The following GOLM2 variants were observed in gnomAD, a reference collection of about 807,000 sequenced individuals.
GOLM2 encodes golgi membrane protein 2.
GOLM2 carries 26 observed loss-of-function variants against 55.9 expected under a neutral mutation model. That is an observed-to-expected ratio of 0.47 (90% confidence interval 0.34 to 0.65). The LOEUF (loss-of-function observed/expected upper bound fraction) is 0.65. GOLM2 is among the 30% of genes least tolerant of loss of function. The pLI, the probability that GOLM2 is intolerant of heterozygous loss-of-function variation, is 0.01. For missense variants in GOLM2, 486 were observed against 531.8 expected, an observed-to-expected ratio of 0.91 and a Z score of 0.85; for synonymous variants, 165 against 194.6, an observed-to-expected ratio of 0.85 and a Z score of 1.27.
At chr15:44,318,726 A>T (rs2141127445) in intron 1 of GOLM2, among the ~76,000 whole-genome samples, 1 of 151,840 alleles carries the variant, frequency 6.6e-6, no homozygotes, top group Middle Eastern at 3.4e-3. Flanking sequence ...AAAAAAAAAA[A>T]TTGGAAGTTG....
chr15:44,315,768 G>T (rs915204094), intron 1 of GOLM2, among the ~76,000 whole-genome samples: 2 of 152,112 alleles, frequency 1.3e-5, no homozygotes, highest in African/African-American at 4.8e-5. Flanking sequence ...ATTATAGATG[G>T]ACTCAAAATC....
chr15:44,342,821 T>TG (rs1190676240), intron 6 of GOLM2, among the ~76,000 whole-genome samples: 1 of 152,224 alleles, frequency 6.6e-6, no homozygotes, highest in Non-Finnish European at 1.5e-5. Flanking sequence ...TGTGTATGGT[T>TG]GAATTATCAG....
chr15:44,330,545 G>A (rs1452897176), intron 3 of GOLM2, among the ~76,000 whole-genome samples: 1 of 147,792 alleles, frequency 6.8e-6, no homozygotes, highest in Non-Finnish European at 1.5e-5. Context: ...GACTATCACA[G>A]CTATAAAAAT....
chr15:44,414,672 T>G lies in GOLM2; in HGVS notation c.*1266T>G, dbSNP rs1474799565. The G allele has an allele frequency of 6.6e-6, 1 of 152,260 alleles. No individual in the cohort carries two copies. The highest frequency in any genetic ancestry group is 1.5e-5 in the Non-Finnish European group (1 of 68,034). The allele number at this position is 152,260 out of a possible 1,614,324, so 9.4% of individuals were successfully genotyped here. ...TTTCAGAAGTACTAAATAAGGAATT[T>G]TAACAGGTTTTTATTAATGCACAGA... On this transcript the variant is annotated 3_prime_UTR_variant, in exon 10 of 10. Coordinates refer to ENST00000299957, the MANE Select transcript of GOLM2 (RefSeq NM_138423.4).
intron 1 of GOLM2, among the ~76,000 whole-genome samples, chr15:44,313,703 A>C (rs1472324277): frequency 1.3e-5 from 2 of 152,208 alleles, no homozygotes; most frequent in East Asian, 3.8e-4. Flanking sequence ...CTAAATAAGT[A>C]AACTTTATAG....
At position 44,289,771 on chromosome 15, in the gene GOLM2, C is replaced by T. The variant is rs1595607947; in HGVS notation, c.327+415C>T. ...AATATTAATTTCGTTATTTAAAGAACGAAGCCGCCTCTGACTCCTCTACTT... is the reference window on the plus strand; with the variant it reads ...AATATTAATTTCGTTATTTAAAGAATGAAGCCGCCTCTGACTCCTCTACTT... On this transcript the variant is annotated intron_variant, in intron 1 of 9. Coordinates refer to ENST00000299957, the MANE Select transcript of GOLM2 (RefSeq NM_138423.4). This position sits in a 1 kb window ranked among gnomAD's most constrained non-coding sequence, Gnocchi z 4.8. 6.6e-6 allele frequency among the ~76,000 whole-genome samples: 1 copy of T among 152,154 alleles called. No individual in the cohort carries two copies. Among genetic ancestry groups the T allele is most frequent in the Admixed American group, 6.5e-5 (1 of 15,274 alleles).
At chr15:44,307,276 G>A (rs554010271) in intron 1 of GOLM2, 9 of 150,148 alleles carry the variant, frequency 6.0e-5, no homozygotes, top group African/African-American at 1.5e-4. Flanking sequence ...GCAGTGGTAC[G>A]ATCTCCGCTC....
In GOLM2 at chr15:44,311,426, C is replaced by T. The variant is rs1192266407; in HGVS notation, c.328-11539C>T. 2.0e-5 allele frequency among the ~76,000 whole-genome samples: 3 copies of T among 151,738 alleles called. 1 individual carries two copies. Among genetic ancestry groups the T allele is most frequent in the Non-Finnish European group, 4.4e-5 (3 of 67,960 alleles). ...TTAATGGCATAGTGCCTGTATTTTT[C>T]AAATGAAATTCAGGACATGATGTCT... On this transcript the variant is annotated intron_variant, in intron 1 of 9. Coordinates refer to ENST00000299957, the MANE Select transcript of GOLM2 (RefSeq NM_138423.4).
rs186310082 is a variant in GOLM2, at chr15:44,296,689, C to T, written c.327+7333C>T. ...CCAGGATGGGACTCTGTCTGTGTTCCTGCCCAAGATCTGGTCCCAGCCCTA... is the reference window on the plus strand; with the variant it reads ...CCAGGATGGGACTCTGTCTGTGTTCTTGCCCAAGATCTGGTCCCAGCCCTA... On this transcript the variant is annotated intron_variant, in intron 1 of 9. Coordinates refer to ENST00000299957, the MANE Select transcript of GOLM2 (RefSeq NM_138423.4). 1.8e-4 allele frequency among the ~76,000 whole-genome samples: 27 copies of T among 152,248 alleles called. 1 individual carries two copies. In the East Asian group the frequency reaches 4.8e-3, roughly 27 times the overall value.
intron 2 of GOLM2, 55 bp downstream of exon 2, chr15:44,323,074 T>A: frequency 8.5e-7 from 1 of 1,171,908 alleles, no homozygotes; most frequent in African/African-American, 1.6e-5. Context: ...ATGCCTAAAA[T>A]TGTGAAGAAT....
intron 1 of GOLM2, among the ~76,000 whole-genome samples, chr15:44,297,960 C>T (rs551800721): frequency 4.0e-5 from 6 of 150,384 alleles, no homozygotes; most frequent in South Asian, 2.1e-4. Flanking sequence ...CTCCGCCTCC[C>T]GGGTTTAAGC....
chr15:44,298,254 CTTTTCT>C (rs1262892830), intron 1 of GOLM2, among the ~76,000 whole-genome samples: 20 of 150,450 alleles, frequency 1.3e-4, no homozygotes, highest in African/African-American at 4.6e-4. Context: ...GCTTTTCCTT[CTTTTCT>C]TTTTCTTTTT....
intron 8 of GOLM2, among the ~76,000 whole-genome samples, chr15:44,397,478 CAAAAAAAAAAAAAA>C (rs1007948393): frequency 6.1e-5 from 2 of 32,564 alleles, no homozygotes; most frequent in Non-Finnish European, 1.1e-4. Context: ...GACTCCGTCT[CAAAAAAAAAAAAAA>C]AAAAAAAAAA....
At chr15:44,295,169 C>T (rs1482013448) in intron 1 of GOLM2, among the ~76,000 whole-genome samples, 6 of 151,992 alleles carry the variant, frequency 3.9e-5, no homozygotes, top group South Asian at 2.1e-4. Flanking sequence ...AACCTCCACC[C>T]GCCGGGCTGA....
intron 8 of GOLM2, among the ~76,000 whole-genome samples, chr15:44,393,330 A>G (rs1402131204): frequency 1.3e-5 from 2 of 152,286 alleles, no homozygotes; most frequent in Non-Finnish European, 2.9e-5. Flanking sequence ...AAGCTACAAA[A>G]TATTGTTCAC....
chr15:44,335,426 C>T (rs1303901443), intron 4 of GOLM2, among the ~76,000 whole-genome samples: 2 of 152,124 alleles, frequency 1.3e-5, no homozygotes, highest in African/African-American at 4.8e-5. Context: ...ATTAAAGATA[C>T]AACATCTTTG....
At chr15:44,364,795 A>T (rs1729761141) in intron 6 of GOLM2, among the ~76,000 whole-genome samples, 1 of 152,230 alleles carries the variant, frequency 6.6e-6, no homozygotes, top group Non-Finnish European at 1.5e-5. Context: ...CAAACATATG[A>T]AAAGATGCTT....
chr15:44,319,043 C>T (rs1386537544), intron 1 of GOLM2, among the ~76,000 whole-genome samples: 1 of 152,172 alleles, frequency 6.6e-6, no homozygotes, highest in Admixed American at 6.5e-5. Flanking sequence ...GAAGCCTTCT[C>T]TCACTCCATG....
At position 44,382,692 on chromosome 15, in the gene GOLM2, T is replaced by C. The variant is rs543585082; in HGVS notation, c.1072+1716T>C. 1.4e-4 allele frequency among the ~76,000 whole-genome samples: 21 copies of C among 152,088 alleles called. No homozygotes were observed. In the South Asian group the frequency reaches 4.4e-3, roughly 32 times the overall value. On this transcript the variant is annotated intron_variant, in intron 8 of 9. Transcript: ENST00000299957. The stretch of plus-strand genomic sequence containing the variant: ...TTAATTGTTGCCTTACCTGTATATA[T>C]TTTTTTAACTGATATTTGGGTAAAG...
Sources: allele counts gnomAD v4.1 joint callset (sites outside exome capture counted in the v4.1 genomes callset), GRCh38; gene constraint gnomAD v4.1.1; non-coding constraint Gnocchi (gnomAD v3.1); transcripts MANE v1.5; gene names NCBI Gene and HGNC (gene_info 2026-07-23, HGNC 2026-07-21).